The following NPHP1 variants were observed in gnomAD, a reference collection of about 807,000 sequenced individuals.
The protein encoded by NPHP1 is nephrocystin-1.
Under a neutral mutation model 90.4 loss-of-function variants are expected in NPHP1, and 70 were observed. The observed-to-expected ratio is 0.77, with a 90% CI of 0.64 to 0.95. The LOEUF is 0.95. NPHP1 is among the 40% of genes least tolerant of loss of function. NPHP1 has a pLI of 0.00. For missense variants in NPHP1, 764 were observed against 795.9 expected (o/e 0.96, Z 0.48); for synonymous variants, 256 against 271.7 (o/e 0.94, Z 0.57).
intron 4 of NPHP1, among the ~76,000 whole-genome samples, chr2:110,176,905 A>G (rs1419971175): frequency 6.6e-6 from 1 of 152,208 alleles, no homozygotes. Context: ...ATCATGCCCT[A>G]TACAGCCCAG....
rs118077013 is a variant in NPHP1, at chr2:110,143,120, G to A, written c.1529+422C>T. Among the ~76,000 whole-genome samples the A allele has an allele frequency of 8.3e-4, 127 of 152,262 alleles. 1 individual carries two copies. In the East Asian group the frequency reaches 0.014, roughly 17 times the overall value. ...CATGAGATAACTTTTTAGAGTGAGG[G>A]AAAGTTCTCTATCTTGATTGTAGTG... is the stretch of plus-strand genomic sequence containing the variant. On this transcript the variant is annotated intron_variant, in intron 16 of 19. Transcript: ENST00000445609.
chr2:110,138,747 G>A (rs1170871098), intron 16 of NPHP1, among the ~76,000 whole-genome samples: 2 of 152,118 alleles, frequency 1.3e-5, no homozygotes, highest in Non-Finnish European at 2.9e-5. Context: ...GGCTCATGAT[G>A]AAGAACAGCC....
At chr2:110,177,768 A>C (rs1056248601) in intron 4 of NPHP1, among the ~76,000 whole-genome samples, 2 of 151,528 alleles carry the variant, frequency 1.3e-5, no homozygotes, top group Non-Finnish European at 2.9e-5. Flanking sequence ...TAATAGAGAC[A>C]GTGTCTCACT....
At chr2:110,179,412 A>C (rs1057025526) in intron 3 of NPHP1, among the ~76,000 whole-genome samples, 14 of 152,182 alleles carry the variant, frequency 9.2e-5, no homozygotes, top group Non-Finnish European at 2.1e-4. Flanking sequence ...AGTTCATCAA[A>C]GCTGAACATT....
chr2:110,129,072 T>C, intron 18 of NPHP1, 114 bp downstream of exon 18: 5 of 739,574 alleles, frequency 6.8e-6, no homozygotes, highest in Non-Finnish European at 1.2e-5. Context: ...TGGATAGGGA[T>C]TGGGAGACAT....
At chr2:110,144,262 G>A (rs1680852388) in intron 15 of NPHP1, 1 of 532,080 alleles carries the variant, frequency 1.9e-6, no homozygotes. Flanking sequence ...AGGAACTAAT[G>A]CATTAGTTCT....
At chr2:110,161,732 A>G in intron 9 of NPHP1, 35 bp from the exon 10 acceptor site, 2 of 1,478,778 alleles carry the variant, frequency 1.4e-6, no homozygotes, top group South Asian at 1.1e-5. Context: ...TTTCTTACAA[A>G]GAAAGAAACT....
chr2:110,196,653 G>T (rs1398222283), intron 2 of NPHP1, among the ~76,000 whole-genome samples: 5 of 152,070 alleles, frequency 3.3e-5, no homozygotes, highest in African/African-American at 1.2e-4. Context: ...CCCATTACTG[G>T]GTATATACCC....
rs1338273789 is a variant in NPHP1, at chr2:110,123,652, A to G, written c.*139T>C. The G allele has an allele frequency of 5.2e-6, 4 of 775,162 alleles. No homozygotes were observed. Among genetic ancestry groups the G allele is most frequent in the Non-Finnish European group, 8.4e-6 (4 of 475,650 alleles). The allele number at this position is 775,162 out of a possible 1,614,324, so 48.0% of individuals were successfully genotyped here. A position where few individuals can be genotyped will look rare whatever the true frequency, so the allele number is the denominator to read the frequency against. ...TAAATTATTGTATAAACATTTCTTT[A>G]AAAATATGGTCTGTAGAAAGAAAAG... On this transcript the variant is annotated 3_prime_UTR_variant, in exon 20 of 20. Transcript: ENST00000445609.
At chr2:110,204,755 G>A (rs1209531408) in intron 1 of NPHP1, 145 bp downstream of exon 1, 30 of 783,028 alleles carry the variant, frequency 3.8e-5, no homozygotes, top group South Asian at 2.9e-4. Context: ...AATGTTATGG[G>A]GTAAGGGGGC....
chr2:110,171,636 T>C (rs1683134502), intron 4 of NPHP1, among the ~76,000 whole-genome samples: 3 of 152,046 alleles, frequency 2.0e-5, no homozygotes, highest in Admixed American at 6.5e-5. Context: ...ACATATTTTA[T>C]ATGGGTCAAT....
intron 2 of NPHP1, among the ~76,000 whole-genome samples, chr2:110,194,800 C>A (rs1328589590): frequency 6.6e-6 from 1 of 152,024 alleles, no homozygotes; most frequent in Non-Finnish European, 1.5e-5. Flanking sequence ...ATCAAAAAGC[C>A]TATCCACCAT....
intron 2 of NPHP1, among the ~76,000 whole-genome samples, chr2:110,190,950 T>C (rs1684678946): frequency 6.6e-6 from 1 of 152,094 alleles, no homozygotes; most frequent in African/African-American, 2.4e-5. Context: ...TGAAGTACCA[T>C]CTCATGCCAG....
intron 2 of NPHP1, among the ~76,000 whole-genome samples, chr2:110,188,830 G>C (rs1241112835): frequency 6.6e-6 from 1 of 152,032 alleles, no homozygotes; most frequent in Non-Finnish European, 1.5e-5. Flanking sequence ...AGAGAACTCA[G>C]AAATAAGACT....
intron 2 of NPHP1, among the ~76,000 whole-genome samples, chr2:110,183,397 A>G (rs1349439436): frequency 6.6e-6 from 1 of 152,132 alleles, no homozygotes; most frequent in African/African-American, 2.4e-5. Flanking sequence ...CCTCCCCTTT[A>G]TTTCGGCCCA....
chr2:110,155,382 C>T (rs1006245279), intron 11 of NPHP1, among the ~76,000 whole-genome samples: 1 of 152,192 alleles, frequency 6.6e-6, no homozygotes, highest in African/African-American at 2.4e-5. Context: ...CACAGAGTCC[C>T]TCCTGGGGCA....
At chr2:110,178,993 C>T (rs1049481309) in intron 3 of NPHP1, 5 of 159,702 alleles carry the variant, frequency 3.1e-5, no homozygotes, top group African/African-American at 1.2e-4. Context: ...TTTTGTGTCA[C>T]TGGAGAAATT....
chr2:110,161,664 G>A lies in NPHP1; in HGVS notation c.893C>T (p.Pro298Leu). ...GGCCAGTTGTGAAGGCATGAGCTCT[G>A]GTTGTAAGAAGTAATTTGCTCGAAA... is the stretch of plus-strand genomic sequence containing the variant. Reference protein sequence around the residue: ...NQFRANYFLQPELMPSQLAFR... With the variant: ...NQFRANYFLQLELMPSQLAFR... The change falls in exon 10 of 20, where the codon CCA (proline) becomes CTA (leucine). Residue 298 changes from proline (P) to leucine (L), a missense_variant. Transcript: ENST00000445609. 1 of 1,613,032 alleles carries A rather than the reference G, an allele frequency of 6.2e-7. No homozygotes were observed. The highest frequency in any genetic ancestry group is 8.5e-7 in the Non-Finnish European group (1 of 1,179,174).
intron 5 of NPHP1, among the ~76,000 whole-genome samples, chr2:110,168,952 T>C (rs1383145009): frequency 6.6e-6 from 1 of 152,178 alleles, no homozygotes; most frequent in East Asian, 1.9e-4. Context: ...CCAAAGAATA[T>C]CAATTCCATT....
Sources: allele counts gnomAD v4.1 joint callset (sites outside exome capture counted in the v4.1 genomes callset), GRCh38; gene constraint gnomAD v4.1.1; transcripts MANE v1.5; gene names NCBI Gene and HGNC (gene_info 2026-07-23, HGNC 2026-07-21).